Variants in CRY1 observed in about 807,000 individuals in gnomAD.
The protein encoded by CRY1 is cryptochrome circadian regulator 1, also known as cryptochrome-1.
Under a neutral mutation model 76.0 loss-of-function variants are expected in CRY1, and 45 were observed. That is an observed-to-expected ratio of 0.59 (90% CI 0.47 to 0.76). CRY1 has a LOEUF of 0.76. Ranked by LOEUF, CRY1 falls within the 30% of genes least tolerant of loss-of-function variation. The pLI, the probability that CRY1 is intolerant of heterozygous loss-of-function variation, is 0.00. For synonymous variants in CRY1, 248 were observed against 244.0 expected (o/e 1.02, Z -0.15); for missense variants, 587 against 716.4 (o/e 0.82, Z 2.06).
chr12:107,015,689 T>C (rs181745087), intron 2 of CRY1, among the ~76,000 whole-genome samples: 10 of 152,218 alleles, frequency 6.6e-5, no homozygotes, highest in African/African-American at 2.4e-4. Context: ...ATATTCACTT[T>C]GCAATTTTTT....
At chr12:107,011,243 G>A (rs999701557) in intron 2 of CRY1, among the ~76,000 whole-genome samples, 11 of 152,060 alleles carry the variant, frequency 7.2e-5, no homozygotes, top group Non-Finnish European at 1.3e-4. Context: ...CCAGCTACTC[G>A]GGAGGCTGAG....
chr12:107,052,296 T>A (rs1388843136), intron 1 of CRY1, among the ~76,000 whole-genome samples: 1 of 152,154 alleles, frequency 6.6e-6, no homozygotes, highest in African/African-American at 2.4e-5. Flanking sequence ...TTTGAGACTC[T>A]CCTAAAATGA....
chr12:107,066,788 GTTGT>G (rs1953117476), intron 1 of CRY1, among the ~76,000 whole-genome samples: 3 of 151,600 alleles, frequency 2.0e-5, no homozygotes, highest in South Asian at 4.2e-4. Context: ...TGTTGTTGCT[GTTGT>G]TTGTTTTGTT....
intron 1 of CRY1, among the ~76,000 whole-genome samples, chr12:107,084,455 A>G (rs980265284): frequency 3.9e-5 from 6 of 152,216 alleles, no homozygotes; most frequent in African/African-American, 1.4e-4. Flanking sequence ...CAGTAACCAA[A>G]ATAGCATGGT....
chr12:107,075,994 G>C (rs185207074), intron 1 of CRY1, among the ~76,000 whole-genome samples: 4 of 152,074 alleles, frequency 2.6e-5, no homozygotes, highest in Non-Finnish European at 4.4e-5. Flanking sequence ...GGGAGGTAGA[G>C]GAGATGGAGA....
chr12:107,011,950 G>A (rs2136834426), intron 2 of CRY1, among the ~76,000 whole-genome samples: 1 of 152,306 alleles, frequency 6.6e-6, no homozygotes, highest in East Asian at 1.9e-4. Flanking sequence ...CAGCACTTTG[G>A]GAAGCTGAGG....
chr12:107,004,503 AC>A (rs1434624698), intron 3 of CRY1, among the ~76,000 whole-genome samples: 47 of 152,332 alleles, frequency 3.1e-4, no homozygotes, highest in African/African-American at 9.1e-4. Context: ...ATAGCATATA[AC>A]ACTCCCTAAA....
At chr12:107,044,602 C>T (rs1361999493) in intron 1 of CRY1, among the ~76,000 whole-genome samples, 1 of 152,020 alleles carries the variant, frequency 6.6e-6, no homozygotes, top group Non-Finnish European at 1.5e-5. Flanking sequence ...ATGCAGGGAC[C>T]AATACAGACA....
chr12:107,021,711 T>A (rs564262671), intron 2 of CRY1, among the ~76,000 whole-genome samples: 2 of 150,812 alleles, frequency 1.3e-5, no homozygotes, highest in African/African-American at 4.9e-5. Context: ...CATATATATA[T>A]ACACACACAC....
At chr12:107,076,020 A>T (rs1388387693) in intron 1 of CRY1, among the ~76,000 whole-genome samples, 1 of 152,074 alleles carries the variant, frequency 6.6e-6, no homozygotes, top group Non-Finnish European at 1.5e-5. Context: ...TCAGCTTAAG[A>T]TGCTTATTTT....
chr12:107,090,927 G>A (rs944665341), intron 1 of CRY1, among the ~76,000 whole-genome samples: 1 of 152,140 alleles, frequency 6.6e-6, no homozygotes, highest in Non-Finnish European at 1.5e-5. Context: ...TCTTAGCAAA[G>A]TGTAGCCCCA....
intron 1 of CRY1, among the ~76,000 whole-genome samples, chr12:107,079,706 C>T (rs972807500): frequency 6.6e-6 from 1 of 151,990 alleles, no homozygotes; most frequent in African/African-American, 2.4e-5. Flanking sequence ...CCCTCCATGC[C>T]TTGCTTATTA....
At chr12:107,003,687 T>C (rs1451623745) in intron 3 of CRY1, among the ~76,000 whole-genome samples, 2 of 152,214 alleles carry the variant, frequency 1.3e-5, no homozygotes, top group Non-Finnish European at 2.9e-5. Context: ...ACTGAGGACA[T>C]TGTTAATTAC....
At chr12:107,037,685 T>C (rs551198236) in intron 1 of CRY1, among the ~76,000 whole-genome samples, 1 of 150,958 alleles carries the variant, frequency 6.6e-6, no homozygotes, top group Admixed American at 6.6e-5. Context: ...TAAATTTGTT[T>C]TTTAGAAATT....
At chr12:107,015,982 T>C (rs1952493826) in intron 2 of CRY1, among the ~76,000 whole-genome samples, 1 of 152,250 alleles carries the variant, frequency 6.6e-6, no homozygotes, top group African/African-American at 2.4e-5. Context: ...AATTACTTGT[T>C]AATCAGAAAG....
At chr12:107,069,449 C>T (rs1158058824) in intron 1 of CRY1, among the ~76,000 whole-genome samples, 1 of 149,292 alleles carries the variant, frequency 6.7e-6, no homozygotes, top group East Asian at 1.9e-4. Context: ...AGTGGTATTG[C>T]ACTGTGGTTT....
Position 106,999,865 on chromosome 12 carries a change from A to G in CRY1, c.826-3T>C. 1.2e-6 allele frequency: 2 copies of G among 1,602,510 alleles called. No homozygotes were observed. Among genetic ancestry groups the G allele is most frequent in the Non-Finnish European group, 1.7e-6 (2 of 1,176,238 alleles). Reference sequence around the variant, plus strand: ...GGAGGGGAACTGTTCTTCTTTACCTATGGTTAAAAAGCAAAGAAGTATTAT... The same window carrying G: ...GGAGGGGAACTGTTCTTCTTTACCTGTGGTTAAAAAGCAAAGAAGTATTAT... On this transcript the variant is annotated splice_polypyrimidine_tract_variant and splice_region_variant and intron_variant, in intron 6 of 12. Transcript: ENST00000008527.
intron 2 of CRY1, among the ~76,000 whole-genome samples, chr12:107,013,725 T>G (rs767486993): frequency 2.8e-4 from 43 of 152,200 alleles, no homozygotes; most frequent in Non-Finnish European, 6.0e-4. Context: ...TGTGACTAGC[T>G]GGCACTGAGA....
chr12:107,016,019 A>G (rs1162550297), intron 2 of CRY1, among the ~76,000 whole-genome samples: 1 of 152,208 alleles, frequency 6.6e-6, no homozygotes, highest in Non-Finnish European at 1.5e-5. Flanking sequence ...AAATGAATAT[A>G]AAGTTCTTGG....
Sources: gnomAD v4.1 joint callset for allele counts (sites outside exome capture counted in the v4.1 genomes callset) on GRCh38, gnomAD v4.1.1 for gene constraint, MANE v1.5 for transcripts, NCBI Gene and HGNC (gene_info 2026-07-23, HGNC 2026-07-21) for gene names.